CDKL3: variants seen among roughly 807,000 people sequenced by gnomAD.
CDKL3 encodes cyclin dependent kinase like 3.
Under a neutral mutation model 69.3 loss-of-function variants are expected in CDKL3, and 65 were observed. The observed-to-expected ratio is 0.94, with a 90% CI of 0.77 to 1.15. CDKL3 has a LOEUF of 1.15. Among genes scored for constraint, CDKL3 ranks in the 50% most tolerant of loss-of-function variants. CDKL3 has a pLI of 0.00. For missense variants in CDKL3, 652 were observed against 689.2 expected, an observed-to-expected ratio of 0.95 and a Z score of 0.61; for synonymous variants, 202 against 221.6, an observed-to-expected ratio of 0.91 and a Z score of 0.79.
Position 134,350,283 on chromosome 5 carries a change from G to T in CDKL3, c.505C>A (p.Pro169Thr). 6.3e-7 allele frequency: 1 copy of T among 1,587,424 alleles called. No individual in the cohort carries two copies. The highest frequency in any genetic ancestry group is 8.6e-7 in the Non-Finnish European group (1 of 1,167,084). Residue 169 changes from proline (P) to threonine (T), a missense_variant, in exon 4 of 13, where the codon CCC becomes ACC. By Grantham distance (38) the Pro-to-Thr change is conservative. Coordinates refer to ENST00000265334, the MANE Select transcript of CDKL3 (RefSeq NM_001113575.2). ...GAAGTATCTTTTAATACTAATTCGG[G>T]AGCTCTATACCAGCGTGTGGCCACA... is the stretch of plus-strand genomic sequence containing the variant. ...DYVATRWYRA[P>T]ELVLKDTSYG...
At chr5:134,344,610 A>G (rs1284586962) in intron 4 of CDKL3, among the ~76,000 whole-genome samples, 1 of 152,182 alleles carries the variant, frequency 6.6e-6, no homozygotes, top group African/African-American at 2.4e-5. Flanking sequence ...ACCACTTCAC[A>G]CCCATTAGAG....
chr5:134,287,159 G>A (rs993823587), intron 8 of CDKL3, among the ~76,000 whole-genome samples: 25 of 152,042 alleles, frequency 1.6e-4, no homozygotes, highest in African/African-American at 5.1e-4. Flanking sequence ...AAGAAGGCGC[G>A]CTTTGAGGAG....
chr5:134,331,083 T>G (rs1775666058), intron 4 of CDKL3, among the ~76,000 whole-genome samples: 1 of 152,214 alleles, frequency 6.6e-6, no homozygotes, highest in Non-Finnish European at 1.5e-5. Flanking sequence ...AGTGGAAAGT[T>G]TGCTCAATTT....
rs145391551 is a variant in CDKL3 at position 134,348,563 on chromosome 5, C to T, written c.539+1686G>A. On this transcript the variant is annotated intron_variant, in intron 4 of 12. Transcript: ENST00000265334. ...TTATGCCTATCCTTGAGGAACTTAA[C>T]TTTTAGTGGGAGGTTAAAAAAAAAA... is the stretch of plus-strand genomic sequence containing the variant. 9.9e-3 allele frequency among the ~76,000 whole-genome samples: 1,475 copies of T among 149,646 alleles called. 13 individuals carry two copies. Among genetic ancestry groups the T allele is most frequent in the African/African-American group, 0.033 (1,312 of 40,122 alleles).
chr5:134,350,831 G>GAAAAAAAAAAAAA (rs112330114), intron 3 of CDKL3, among the ~76,000 whole-genome samples: 3 of 82,394 alleles, frequency 3.6e-5, no homozygotes, highest in Non-Finnish European at 5.8e-5. Flanking sequence ...AGAAAAAAAA[G>GAAAAAAAAAAAAA]AAAAAAAAAA....
At chr5:134,310,095 T>G (rs1769005213) in intron 7 of CDKL3, among the ~76,000 whole-genome samples, 1 of 152,222 alleles carries the variant, frequency 6.6e-6, no homozygotes, top group African/African-American at 2.4e-5. Context: ...CCTTCCAAAG[T>G]GCTGGGATTA....
chr5:134,354,945 C>CA (rs112013809), intron 3 of CDKL3, among the ~76,000 whole-genome samples: 7,321 of 122,390 alleles, frequency 0.06, 235 homozygotes, highest in Middle Eastern at 0.093. Flanking sequence ...GACTCCGTCT[C>CA]AAAAAAAAAA....
chr5:134,328,406 C>T (rs1037847601), intron 4 of CDKL3, among the ~76,000 whole-genome samples: 4 of 151,750 alleles, frequency 2.6e-5, no homozygotes, highest in African/African-American at 9.7e-5. Flanking sequence ...TTTAAAAATT[C>T]ACGAGAGGAA....
chr5:134,290,710 A>AT, intron 8 of CDKL3, among the ~76,000 whole-genome samples: 1 of 151,602 alleles, frequency 6.6e-6, no homozygotes, highest in East Asian at 1.9e-4. Flanking sequence ...TTTTTTTTTA[A>AT]TTTTTTTGTA....
At chr5:134,295,011 C>CTTTTTTTTTTTTTTT (rs869256167), downstream of CDKL3, among the ~76,000 whole-genome samples, 2 of 100,418 alleles carry the variant, frequency 2.0e-5, no homozygotes, top group Non-Finnish European at 4.1e-5. Context: ...ATTTTTTTTT[C>CTTTTTTTTTTTTTTT]TTTTTTTTTT....
intron 4 of CDKL3, among the ~76,000 whole-genome samples, chr5:134,335,653 ACT>A (rs1445649718): frequency 1.3e-5 from 2 of 151,896 alleles, no homozygotes; most frequent in Non-Finnish European, 2.9e-5. Context: ...ATTGGCCCCC[ACT>A]CTCTTCTGGC....
intron 12 of CDKL3, among the ~76,000 whole-genome samples, chr5:134,301,195 A>G (rs2149416536): frequency 6.6e-6 from 1 of 152,228 alleles, no homozygotes; most frequent in South Asian, 2.1e-4. Context: ...AAGGGGTTTC[A>G]CCACATTGGC....
chr5:134,304,420 T>C lies in CDKL3; in HGVS notation c.1606A>G (p.Thr536Ala). 1 of 1,610,560 alleles carries C rather than the reference T, an allele frequency of 6.2e-7. No homozygotes were observed. Among genetic ancestry groups the C allele is most frequent in the African/African-American group, 1.3e-5 (1 of 74,928 alleles). ...AAATGTGTACCTTCCATTCCTTTTG[T>C]ATCTTTTGACTGTATTGTGACAGGC... ...ELPVTIQSKD[T>A]KGMEVKQIKM... The change falls in exon 11 of 13, where the codon ACA (threonine) becomes GCA (alanine). Residue 536 changes from threonine (T) to alanine (A), a missense_variant. Coordinates refer to ENST00000265334, the MANE Select transcript of CDKL3 (RefSeq NM_001113575.2).
chr5:134,365,838 T>C (rs1055020953), intron 2 of CDKL3, among the ~76,000 whole-genome samples: 1 of 152,204 alleles, frequency 6.6e-6, no homozygotes, highest in African/African-American at 2.4e-5. Flanking sequence ...GTTGTTCCTC[T>C]AACCTAGAAC....
chr5:134,283,842 A>G (rs996477532), downstream of CDKL3, among the ~76,000 whole-genome samples: 1 of 152,204 alleles, frequency 6.6e-6, no homozygotes, highest in Non-Finnish European at 1.5e-5. Flanking sequence ...TTTACTTCCT[A>G]GATACAATGG....
chr5:134,369,782 G>A (rs140888469), upstream of CDKL3, among the ~76,000 whole-genome samples: 68 of 152,162 alleles, frequency 4.5e-4, no homozygotes, highest in African/African-American at 1.3e-3. Flanking sequence ...GCCCAGGCTG[G>A]TCTTCAACTC....
At chr5:134,291,919 G>T (rs1765142080) in intron 8 of CDKL3, among the ~76,000 whole-genome samples, 1 of 152,090 alleles carries the variant, frequency 6.6e-6, no homozygotes, top group South Asian at 2.1e-4. Flanking sequence ...AGGTAAGGGT[G>T]AATTTTATCA....
At chr5:134,353,026 G>A (rs894211912) in intron 3 of CDKL3, among the ~76,000 whole-genome samples, 9 of 151,984 alleles carry the variant, frequency 5.9e-5, no homozygotes, top group African/African-American at 2.2e-4. Context: ...CTTTTCCCAC[G>A]TTTTCTTCTA....
intron 4 of CDKL3, 40 bp downstream of exon 4, chr5:134,350,209 A>G: frequency 1.4e-6 from 2 of 1,432,650 alleles, no homozygotes; most frequent in Non-Finnish European, 1.9e-6. Flanking sequence ...AAAAAAAGAG[A>G]TACCTAGGAA....
Sources: gnomAD v4.1 joint callset for allele counts (sites outside exome capture counted in the v4.1 genomes callset) on GRCh38, gnomAD v4.1.1 for gene constraint, MANE v1.5 for transcripts, NCBI Gene and HGNC (gene_info 2026-07-23, HGNC 2026-07-21) for gene names.